ZFP91: variants seen among roughly 807,000 people sequenced by gnomAD.
The protein encoded by ZFP91 is E3 ubiquitin-protein ligase ZFP91.
A neutral mutation model predicts 63.5 loss-of-function variants in ZFP91; 7 were observed. That is an observed-to-expected ratio of 0.11 (90% CI 0.06 to 0.21). ZFP91 has a LOEUF of 0.21. Among genes scored for constraint, ZFP91 ranks in the 10% least tolerant of loss-of-function variants. The pLI is 1.00. For synonymous variants in ZFP91, 330 were observed against 272.1 expected (o/e 1.21, Z -2.10); for missense variants, 628 against 736.6 (o/e 0.85, Z 1.71).
At chr11:58,584,943 TAGAA>T in intron 2 of ZFP91, 59 bp downstream of exon 2, 4 of 1,299,722 alleles carry the variant, frequency 3.1e-6, no homozygotes, top group South Asian at 4.0e-5. Flanking sequence ...TTTAATCTGT[TAGAA>T]AGCCTCATCA....
chr11:58,612,801 A>G lies in ZFP91; in HGVS notation c.948A>G (p.Glu316=), dbSNP rs761952963. 14 of 1,612,736 alleles carry G rather than the reference A, an allele frequency of 8.7e-6. No homozygotes were observed. In the African/African-American group the frequency reaches 9.4e-5, roughly 11 times the overall value. Residue 316 remains glutamate, a synonymous_variant, in exon 8 of 11, where the codon GAA becomes GAG. Transcript: ENST00000316059. ...TCCAGTATGTCCGTTGTGAGATGGAAGGATGTGGAACTGTCCTTGCCCATC... is the reference window on the plus strand; with the variant it reads ...TCCAGTATGTCCGTTGTGAGATGGAGGGATGTGGAACTGTCCTTGCCCATC... ...PPIQYVRCEM[E]GCGTVLAHPR...
chr11:58,606,723 C>T (rs1855575994), intron 2 of ZFP91, among the ~76,000 whole-genome samples: 1 of 152,020 alleles, frequency 6.6e-6, no homozygotes, highest in South Asian at 2.1e-4. Flanking sequence ...TCTCTGTGGT[C>T]TCTAAAGGTT....
At chr11:58,581,190 TC>T (rs1453376798) in intron 1 of ZFP91, among the ~76,000 whole-genome samples, 1 of 152,146 alleles carries the variant, frequency 6.6e-6, no homozygotes, top group East Asian at 1.9e-4. Flanking sequence ...GTGAGGTTTT[TC>T]ATATAAATTA....
intron 2 of ZFP91, among the ~76,000 whole-genome samples, chr11:58,594,980 C>A (rs961462102): frequency 6.6e-6 from 1 of 152,144 alleles, no homozygotes; most frequent in East Asian, 1.9e-4. Context: ...GCACTTGAAT[C>A]CAAGGCTGGG....
rs1478663925 is a variant in ZFP91, at chr11:58,619,504, T to C, written c.*1798T>C. ...GCTGGAAAAAAAAAAAAGAACAGTT[T>C]GTGTTTCACAAACATGGCTTATCAA... On this transcript the variant is annotated 3_prime_UTR_variant, in exon 11 of 11. Transcript: ENST00000316059. 2.6e-5 allele frequency: 4 copies of C among 152,352 alleles called. No individual in the cohort carries two copies. Among genetic ancestry groups the C allele is most frequent in the African/African-American group, 9.7e-5 (4 of 41,376 alleles). 9.4% of individuals were successfully genotyped at this position (152,352 alleles called of 1,614,324 possible).
Position 58,611,718 on chromosome 11 carries a change from G to A in ZFP91, c.837G>A (p.Glu279=). The part of the protein sequence containing the change: ...EVKEEENEIR[E]DEEPPRKRGR... ...AAGAAGAGGAGAATGAAATTAGAGA[G>A]GATGAGGAACCTCCAAGGAAGTGAG... Residue 279 remains glutamate, a synonymous_variant, in exon 6 of 11, where the codon GAG becomes GAA. Coordinates refer to ENST00000316059, the MANE Select transcript of ZFP91 (RefSeq NM_053023.5). 6.2e-7 allele frequency: 1 copy of A among 1,609,944 alleles called. No homozygotes were observed. The highest frequency in any genetic ancestry group is 8.5e-7 in the Non-Finnish European group (1 of 1,177,952).
chr11:58,579,702 C>G (rs1855065544), intron 1 of ZFP91, 80 bp downstream of exon 1: 5 of 1,306,746 alleles, frequency 3.8e-6, no homozygotes, highest in Admixed American at 3.1e-5. Flanking sequence ...AGCGCCTACT[C>G]CACGTGACAT....
At chr11:58,584,797 T>C in intron 1 of ZFP91, 59 bp from the exon 2 acceptor site, 1 of 1,439,930 alleles carries the variant, frequency 6.9e-7, no homozygotes, top group Non-Finnish European at 9.4e-7. Flanking sequence ...AAAGAGATAT[T>C]TATATTTTCA....
At chr11:58,585,601 G>C (rs1010056832) in intron 2 of ZFP91, among the ~76,000 whole-genome samples, 5 of 152,046 alleles carry the variant, frequency 3.3e-5, no homozygotes, top group Admixed American at 6.6e-5. Context: ...GTGTGACCTT[G>C]ACCCAGGCTT....
intron 2 of ZFP91, among the ~76,000 whole-genome samples, chr11:58,605,629 G>A (rs34957442): frequency 0.046 from 7,013 of 151,762 alleles, 219 homozygotes; most frequent in Middle Eastern, 0.075. Context: ...TCTGATGAGC[G>A]GCTGTTAATC....
chr11:58,594,108 C>T (rs895168254), intron 2 of ZFP91, among the ~76,000 whole-genome samples: 1 of 152,154 alleles, frequency 6.6e-6, no homozygotes, highest in Admixed American at 6.5e-5. Flanking sequence ...ATCATGTCAC[C>T]GTTCTGTTTA....
At chr11:58,581,467 TCTC>T (rs1855115052) in intron 1 of ZFP91, among the ~76,000 whole-genome samples, 1 of 152,160 alleles carries the variant, frequency 6.6e-6, no homozygotes, top group Non-Finnish European at 1.5e-5. Context: ...TTCAAGCAAT[TCTC>T]CTGCCTCGTC....
chr11:58,617,102 G>GTA lies in ZFP91; in HGVS notation c.1203-86_1203-85dup, dbSNP rs1382723266. The GTA allele has an allele frequency of 8.4e-6, 9 of 1,068,282 alleles. No homozygotes were observed. The African/African-American group carries it at 9.7e-5, about 11-fold the overall frequency. The allele number at this position is 1,068,282 out of a possible 1,614,324, so 66.2% of individuals were successfully genotyped here. A position where few individuals can be genotyped will look rare whatever the true frequency, so the allele number is the denominator to read the frequency against. ...TGTGTGTGTGTGTGTGTGTGTGTAT[G>GTA]TATATATATGCTCTAAACTCTAACC... On this transcript the variant is annotated intron_variant, in intron 10 of 10. Coordinates refer to ENST00000316059, the MANE Select transcript of ZFP91 (RefSeq NM_053023.5). This position sits in a 1 kb window ranked among gnomAD's most constrained non-coding sequence, Gnocchi z 4.2.
At position 58,617,387 on chromosome 11, in the gene ZFP91, A is replaced by G. The variant is rs1195684467; in HGVS notation, c.1394A>G (p.Asn465Ser). ...CTGATTGCAGAAGCTCTGGCTGCCAATGCAGGCGCCCTCATCACCAGCACA... is the reference window on the plus strand; with the variant it reads ...CTGATTGCAGAAGCTCTGGCTGCCAGTGCAGGCGCCCTCATCACCAGCACA... ...EVLIAEALAA[N>S]AGALITSTDI... Residue 465 changes from asparagine to serine, a missense_variant, in exon 11 of 11, where the codon AAT becomes AGT. Physicochemically the swap from Asn to Ser is conservative, Grantham distance 46 (BLOSUM62 1). This residue lies in a region of ZFP91 where 76 missense variants were observed against 230.9 expected (regional missense o/e 0.33). Coordinates refer to ENST00000316059, the MANE Select transcript of ZFP91 (RefSeq NM_053023.5). This position sits in a 1 kb window ranked among gnomAD's most constrained non-coding sequence, Gnocchi z 4.2. The G allele has an allele frequency of 1.9e-6, 3 of 1,613,760 alleles. No homozygotes were observed. Among genetic ancestry groups the G allele is most frequent in the Non-Finnish European group, 1.7e-6 (2 of 1,179,852 alleles).
intron 7 of ZFP91, 191 bp downstream of exon 7, chr11:58,612,519 T>A (rs755445481): frequency 5.5e-5 from 35 of 636,632 alleles, no homozygotes; most frequent in Non-Finnish European, 8.1e-5. Context: ...TTTCTAACAA[T>A]CTTAATACTT....
intron 1 of ZFP91, among the ~76,000 whole-genome samples, chr11:58,583,227 T>C (rs759166223): frequency 1.1e-4 from 16 of 152,172 alleles, no homozygotes; most frequent in Non-Finnish European, 2.4e-4. Context: ...CCTTCATTTA[T>C]CCTGTGCATT....
chr11:58,593,685 G>T (rs904571981), intron 2 of ZFP91, among the ~76,000 whole-genome samples: 6 of 152,162 alleles, frequency 3.9e-5, no homozygotes, highest in Non-Finnish European at 7.3e-5. Context: ...AGCCCGCCCT[G>T]TCCTTTGAAC....
In ZFP91 at chr11:58,582,498, T is replaced by G. The variant is rs570022098; in HGVS notation, c.342-2358T>G. Among the ~76,000 whole-genome samples the G allele has an allele frequency of 1.6e-4, 25 of 152,366 alleles. 2 individuals are homozygous for G. The South Asian group carries it at 4.3e-3, about 26-fold the overall frequency. ...AGTAATCAGCTGTTTAACCTACATT[T>G]GATTTTCTTAATTAAAGTGATAGTA... On this transcript the variant is annotated intron_variant, in intron 1 of 10. Transcript: ENST00000316059.
At position 58,617,088 on chromosome 11, in the gene ZFP91, G is replaced by T; in HGVS notation, c.1203-108G>T. On this transcript the variant is annotated intron_variant, in intron 10 of 10. Transcript: ENST00000316059. The surrounding 1 kb of genome is among the most constrained non-coding windows in gnomAD (Gnocchi z 4.2). ...CTGATTATTGTGTGTGTGTGTGTGT[G>T]TGTGTGTGTGTATGTATATATATGC... 2 of 969,488 alleles carry T rather than the reference G, an allele frequency of 2.1e-6. No individual in the cohort carries two copies. The highest frequency in any genetic ancestry group is 3.0e-6 in the Non-Finnish European group (2 of 660,036). The allele number at this position is 969,488 out of a possible 1,614,324, so 60.1% of individuals were successfully genotyped here. A position where few individuals can be genotyped will look rare whatever the true frequency, so the allele number is the denominator to read the frequency against.
Sources: gnomAD v4.1 joint callset for allele counts (sites outside exome capture counted in the v4.1 genomes callset) on GRCh38, gnomAD v4.1.1 for gene constraint, gnomAD v4.1.1 regional missense constraint, Gnocchi (gnomAD v3.1) non-coding constraint, MANE v1.5 for transcripts, NCBI Gene and HGNC (gene_info 2026-07-23, HGNC 2026-07-21) for gene names.